IPCEF1: variants seen among roughly 807,000 people sequenced by gnomAD.
IPCEF1 encodes the protein interaction protein for cytohesin exchange factors 1.
IPCEF1 carries 31 observed loss-of-function variants against 50.9 expected under a neutral mutation model. The observed-to-expected ratio is 0.61, with a 90% CI of 0.46 to 0.82. IPCEF1 has a LOEUF of 0.82. Among genes scored for constraint, IPCEF1 ranks in the 40% least tolerant of loss-of-function variants. The pLI is 0.00. For missense variants in IPCEF1, 458 were observed against 514.0 expected (o/e 0.89, Z 1.05); for synonymous variants, 181 against 192.0 (o/e 0.94, Z 0.47).
chr6:154,163,800 A>G (rs984487799), intron 11 of IPCEF1, among the ~76,000 whole-genome samples: 12 of 152,234 alleles, frequency 7.9e-5, no homozygotes, highest in African/African-American at 2.7e-4. Context: ...AAAAAACTAG[A>G]CATAGATTCA....
chr6:154,160,197 TACG>T (rs968024915), intron 11 of IPCEF1, among the ~76,000 whole-genome samples, 157 bp from the exon 12 acceptor site: 4 of 152,248 alleles, frequency 2.6e-5, no homozygotes, highest in South Asian at 2.1e-4. Context: ...GCTTAAGAAA[TACG>T]ACATTTGTTT....
chr6:154,317,016 G>A lies in IPCEF1; in HGVS notation c.-61-27260C>T, dbSNP rs138069957. Among the ~76,000 whole-genome samples the A allele has an allele frequency of 4.4e-3, 663 of 152,136 alleles. 5 individuals are homozygous for A. Among genetic ancestry groups the A allele is most frequent in the African/African-American group, 0.014 (586 of 41,500 alleles). On this transcript the variant is annotated intron_variant, in intron 1 of 11. Coordinates refer to ENST00000367220, the MANE Select transcript of IPCEF1 (RefSeq NM_001130700.2). Reference sequence around the variant, plus strand: ...GACAGCTGAAACTATAAAGCTTCCAGAAGAAAATATAAAGTAATATTTTTG... The same window carrying A: ...GACAGCTGAAACTATAAAGCTTCCAAAAGAAAATATAAAGTAATATTTTTG...
chr6:154,172,833 C>G (rs1799985819), intron 10 of IPCEF1, among the ~76,000 whole-genome samples: 3 of 152,244 alleles, frequency 2.0e-5, no homozygotes, highest in African/African-American at 2.4e-5. Context: ...CATTCGATCT[C>G]TGATAACGGA....
At chr6:154,253,775 T>A (rs1004858876) in intron 3 of IPCEF1, among the ~76,000 whole-genome samples, 1 of 152,192 alleles carries the variant, frequency 6.6e-6, no homozygotes, top group African/African-American at 2.4e-5. Context: ...ACCAGGAATA[T>A]GTTTTAGTCT....
At chr6:154,191,446 G>A (rs953458061) in intron 10 of IPCEF1, among the ~76,000 whole-genome samples, 1 of 152,146 alleles carries the variant, frequency 6.6e-6, no homozygotes, top group Non-Finnish European at 1.5e-5. Context: ...GGCCGAGGCA[G>A]GTGGATCACC....
intron 1 of IPCEF1, among the ~76,000 whole-genome samples, chr6:154,326,987 G>C (rs993302296): frequency 6.6e-6 from 1 of 152,140 alleles, no homozygotes; most frequent in African/African-American, 2.4e-5. Context: ...TTCAATAAAT[G>C]GTGCTGAAAT....
intron 6 of IPCEF1, among the ~76,000 whole-genome samples, chr6:154,222,779 A>C (rs1031583351): frequency 6.6e-6 from 1 of 152,226 alleles, no homozygotes; most frequent in East Asian, 1.9e-4. Context: ...CCATGAACTA[A>C]GAAAGAAAAG....
chr6:154,220,586 G>A (rs987650251), intron 7 of IPCEF1, among the ~76,000 whole-genome samples: 6 of 152,094 alleles, frequency 3.9e-5, no homozygotes, highest in East Asian at 1.9e-4. Flanking sequence ...AGGTTGCAGT[G>A]AGCCGAGATC....
chr6:154,192,379 AT>A (rs1308279868), intron 10 of IPCEF1, among the ~76,000 whole-genome samples: 1 of 148,356 alleles, frequency 6.7e-6, no homozygotes, highest in East Asian at 2.0e-4. Context: ...TTTATGGAGT[AT>A]TTTAGATAGA....
intron 1 of IPCEF1, among the ~76,000 whole-genome samples, chr6:154,295,253 C>A (rs1782617185): frequency 6.6e-6 from 1 of 152,194 alleles, no homozygotes. Flanking sequence ...TTAATTTGTA[C>A]AGTCATGTGC....
intron 4 of IPCEF1, 175 bp from the exon 5 acceptor site, chr6:154,246,935 CA>C (rs10543127): frequency 0.26 from 64,266 of 250,314 alleles, 3,503 homozygotes; most frequent in Admixed American, 0.39. Context: ...AAAACCAATG[CA>C]AAAAAAAAAA....
chr6:154,339,769 AT>A (rs1783868004), intron 1 of IPCEF1, among the ~76,000 whole-genome samples: 1 of 151,876 alleles, frequency 6.6e-6, no homozygotes, highest in Admixed American at 6.6e-5. Context: ...ATTTTAAAAA[AT>A]ATTTTTGTAG....
chr6:154,299,666 A>G (rs1250756342), intron 1 of IPCEF1, among the ~76,000 whole-genome samples: 1 of 140,370 alleles, frequency 7.1e-6, no homozygotes. Context: ...TACCTAGGTG[A>G]TGGGTTGATA....
At chr6:154,213,137 G>C (rs867218981) in intron 8 of IPCEF1, 37 of 374,886 alleles carry the variant, frequency 9.9e-5, no homozygotes, top group Non-Finnish European at 1.3e-4. Flanking sequence ...AGAGGTGTGA[G>C]TCATAATACC....
intron 2 of IPCEF1, among the ~76,000 whole-genome samples, chr6:154,278,443 T>C (rs1782120001): frequency 6.6e-6 from 1 of 152,154 alleles, no homozygotes; most frequent in Non-Finnish European, 1.5e-5. Flanking sequence ...AAAAGTGATC[T>C]TGAAAGTAGA....
At chr6:154,332,021 C>T (rs761395618) in intron 1 of IPCEF1, among the ~76,000 whole-genome samples, 7 of 152,276 alleles carry the variant, frequency 4.6e-5, no homozygotes, top group Non-Finnish European at 7.4e-5. Context: ...TGTTCTAAAA[C>T]TTGCCTCAGT....
chr6:154,169,351 ACT>A (rs1181500706), intron 10 of IPCEF1, among the ~76,000 whole-genome samples: 2 of 152,002 alleles, frequency 1.3e-5, no homozygotes, highest in Non-Finnish European at 2.9e-5. Context: ...ACAGAGTGAG[ACT>A]CTGTCACACA....
intron 5 of IPCEF1, among the ~76,000 whole-genome samples, chr6:154,226,843 T>A (rs959286605): frequency 1.1e-4 from 17 of 151,920 alleles, no homozygotes; most frequent in African/African-American, 4.1e-4. Context: ...TTCCACAATT[T>A]CATCTCTCCC....
At chr6:154,265,667 A>G (rs1781737112) in intron 3 of IPCEF1, among the ~76,000 whole-genome samples, 2 of 152,198 alleles carry the variant, frequency 1.3e-5, no homozygotes, top group South Asian at 4.1e-4. Context: ...TTCTTAAAAT[A>G]TAATTGATGT....
Sources: gnomAD v4.1 joint callset for allele counts (sites outside exome capture counted in the v4.1 genomes callset) on GRCh38, gnomAD v4.1.1 for gene constraint, MANE v1.5 for transcripts, NCBI Gene and HGNC (gene_info 2026-07-23, HGNC 2026-07-21) for gene names.